Variants in SPTBN4 observed in about 807,000 individuals in gnomAD.
The protein encoded by SPTBN4 is spectrin beta, non-erythrocytic 4.
SPTBN4 carries 96 observed loss-of-function variants against 277.8 expected under a neutral mutation model. That is an observed-to-expected ratio of 0.35 (90% CI 0.29 to 0.41). The LOEUF (loss-of-function observed/expected upper bound fraction) is 0.41. Ranked by LOEUF, SPTBN4 falls within the 10% of genes least tolerant of loss-of-function variation. The probability of loss-of-function intolerance (pLI) is 1.00; values close to 1 mark genes in which losing one functional copy is unlikely to be tolerated. For synonymous variants in SPTBN4, 1,481 were observed against 1,580.3 expected (o/e 0.94, Z 1.49); for missense variants, 3,006 against 3,595.7 (o/e 0.84, Z 4.19).
intron 1 of SPTBN4, among the ~76,000 whole-genome samples, 152 bp downstream of exon 1, chr19:40,467,457 C>A (rs1487612069): frequency 6.6e-6 from 1 of 152,182 alleles, no homozygotes. Flanking sequence ...CCCACAACCC[C>A]CCCACCCGGT....
At position 40,544,009 on chromosome 19, in the gene SPTBN4, C is replaced by T. The variant is rs150586498; in HGVS notation, c.4360-5180C>T. Among the ~76,000 whole-genome samples, 692 of 152,250 alleles carry T rather than the reference C, an allele frequency of 4.5e-3. 3 individuals are homozygous for T. Among genetic ancestry groups the T allele is most frequent in the Middle Eastern group, 6.8e-3 (2 of 294 alleles). ...CCATTCATTAAGTTCTCATCCCCTC[C>T]CCCAGTAAGTACCATCTGTTATGAA... On this transcript the variant is annotated intron_variant, in intron 20 of 35. Coordinates refer to ENST00000598249, the MANE Select transcript of SPTBN4 (RefSeq NM_020971.3).
At position 40,519,973 on chromosome 19, in the gene SPTBN4, C is replaced by A. The variant is rs747455892; in HGVS notation, c.3476C>A (p.Ala1159Asp). The A allele has an allele frequency of 2.6e-6, 4 of 1,542,228 alleles. No individual in the cohort carries two copies. Among genetic ancestry groups the A allele is most frequent in the Non-Finnish European group, 3.5e-6 (4 of 1,151,324 alleles). ...GCGGCCAGCGAGGCGCTGCTGGCCGCCGACGGCGCAGAGCTGGGCCCGGGC... is the reference window on the plus strand; with the variant it reads ...GCGGCCAGCGAGGCGCTGCTGGCCGACGACGGCGCAGAGCTGGGCCCGGGC... ...IVAASEALLA[A>D]DGAELGPGLA... Residue 1159 changes from alanine to aspartate, a missense_variant, in exon 16 of 36, where the codon GCC becomes GAC. By Grantham distance (126) the Ala-to-Asp change is moderately radical (BLOSUM62 -2). Around this residue, in one of 5 missense-constraint regions of SPTBN4, gnomAD observed 1,759 missense variants for 2,061.5 expected, o/e 0.85. Coordinates refer to ENST00000598249, the MANE Select transcript of SPTBN4 (RefSeq NM_020971.3). The surrounding 1 kb of genome is among the most constrained non-coding windows in gnomAD (Gnocchi z 5.7).
At position 40,570,643 on chromosome 19, in the gene SPTBN4, C is replaced by T. The variant is rs1357343358; in HGVS notation, c.7234C>T (p.Pro2412Ser). ...PAQGGSAPAP[P>S]PPPTHTVQHE... ...CCAGGGCGGCTCCGCCCCCGCGCCT[C>T]CGCCACCGCCCACTCACACAGTGCA... Residue 2412 changes from proline to serine, a missense_variant, in exon 33 of 36, where the codon CCG becomes TCG. Transcript: ENST00000598249. The T allele has an allele frequency of 4.0e-6, 6 of 1,510,996 alleles. No individual in the cohort carries two copies. The South Asian group carries it at 7.4e-5, about 19-fold the overall frequency. 93.6% of individuals were successfully genotyped at this position (1,510,996 alleles called of 1,614,324 possible). A position where few individuals can be genotyped will look rare whatever the true frequency, so the allele number is the denominator to read the frequency against.
At chr19:40,559,168 G>A (rs2081016952) in intron 26 of SPTBN4, among the ~76,000 whole-genome samples, 1 of 152,008 alleles carries the variant, frequency 6.6e-6, no homozygotes, top group African/African-American at 2.4e-5. Context: ...GACCTCAAGT[G>A]ATCTGCCCGC....
chr19:40,541,428 C>T (rs1393620678), intron 20 of SPTBN4, among the ~76,000 whole-genome samples: 4 of 152,174 alleles, frequency 2.6e-5, no homozygotes, highest in Non-Finnish European at 4.4e-5. Context: ...GGCACCCAGA[C>T]GGAGCCCAGC....
At chr19:40,472,170 A>G (rs1422162652) in intron 1 of SPTBN4, among the ~76,000 whole-genome samples, 2 of 151,862 alleles carry the variant, frequency 1.3e-5, no homozygotes, top group Middle Eastern at 3.4e-3. Context: ...CTGCCTCCCA[A>G]AGTGCTGGGA....
rs1419961649 is a variant in SPTBN4 at position 40,576,360 on chromosome 19, A to G, written c.*791A>G. 2 of 153,238 alleles carry G rather than the reference A, an allele frequency of 1.3e-5. No homozygotes were observed. The highest frequency in any genetic ancestry group is 4.8e-5 in the African/African-American group (2 of 41,438). 9.5% of individuals were successfully genotyped at this position (153,238 alleles called of 1,614,324 possible). ...GGAGTCGGGGGATTGGGTTGTGGGC[A>G]GTCCCCATGGCCGCCTGGAGAAGCC... On this transcript the variant is annotated 3_prime_UTR_variant, in exon 36 of 36. Transcript: ENST00000598249.
chr19:40,549,123 A>G (rs2080888210), intron 20 of SPTBN4, 66 bp from the exon 21 acceptor site: 1 of 1,320,108 alleles, frequency 7.6e-7, no homozygotes, highest in Non-Finnish European at 1.0e-6. Context: ...CCATAAGGGT[A>G]CTGGAGAGCC....
chr19:40,475,922 T>C (rs2079942261), intron 2 of SPTBN4, among the ~76,000 whole-genome samples: 1 of 151,870 alleles, frequency 6.6e-6, no homozygotes, highest in Admixed American at 6.6e-5. Flanking sequence ...GGCGCATGCC[T>C]GTAGTTCCAG....
chr19:40,478,138 C>G (rs909805179), intron 2 of SPTBN4, among the ~76,000 whole-genome samples: 22 of 152,104 alleles, frequency 1.4e-4, no homozygotes, highest in African/African-American at 5.3e-4. Flanking sequence ...CTGAGCCTGG[C>G]AGAAGCCAGC....
At chr19:40,534,607 A>G (rs567511229) in intron 20 of SPTBN4, 1 of 469,054 alleles carries the variant, frequency 2.1e-6, no homozygotes, top group South Asian at 2.6e-5. Flanking sequence ...AGCATGCTAA[A>G]GGTTTCACAG....
chr19:40,572,322 G>GT lies in SPTBN4; in HGVS notation c.7494-15dup. 6.2e-7 allele frequency: 1 copy of GT among 1,614,128 alleles called. No individual in the cohort carries two copies. The highest frequency in any genetic ancestry group is 1.1e-5 in the South Asian group (1 of 91,070). On this transcript the variant is annotated splice_polypyrimidine_tract_variant and intron_variant, in intron 34 of 35. Transcript: ENST00000598249. ...CCCTTCCCCAGATCTCTGAAGTCCT[G>GT]TGTCCCTTCCTGCAGGACCCAGGAT...
chr19:40,525,632 C>T (rs376589475), intron 17 of SPTBN4, among the ~76,000 whole-genome samples: 21 of 152,340 alleles, frequency 1.4e-4, no homozygotes, highest in African/African-American at 5.1e-4. Context: ...TGTTTATTCA[C>T]TCATCCTCCA....
At chr19:40,570,799 C>G in intron 33 of SPTBN4, 71 bp downstream of exon 33, 1 of 1,533,622 alleles carries the variant, frequency 6.5e-7, no homozygotes, top group Non-Finnish European at 8.8e-7. Context: ...AGCGGTGGGA[C>G]TGAGGAGGGG....
rs774301579 is a variant in SPTBN4 at position 40,520,034 on chromosome 19, T to G, written c.3537T>G (p.Leu1179=). ...ALDEWLPHLE[L]GWHKLLGLWE... ...ACGAGTGGCTGCCACACCTCGAACT[T>G]GGCTGGCATAAACTGCTCGGCTTGT... The change falls in exon 16 of 36, where the codon CTT becomes CTG. Residue 1179 remains leucine (L), a synonymous_variant. Coordinates refer to ENST00000598249, the MANE Select transcript of SPTBN4 (RefSeq NM_020971.3). The G allele has an allele frequency of 2.0e-5, 31 of 1,564,514 alleles. No individual in the cohort carries two copies. Among genetic ancestry groups the G allele is most frequent in the Non-Finnish European group, 2.5e-5 (29 of 1,158,406 alleles).
chr19:40,523,137 C>T (rs1370566248), intron 16 of SPTBN4, among the ~76,000 whole-genome samples: 1 of 152,036 alleles, frequency 6.6e-6, no homozygotes, highest in Non-Finnish European at 1.5e-5. Context: ...CATCTGCTCC[C>T]TCCCTGCCAA....
rs747435937 is a variant in SPTBN4 at position 40,557,326 on chromosome 19, G to A, written c.5593G>A (p.Glu1865Lys). Residue 1865 changes from glutamate (E) to lysine (K), a missense_variant, in exon 26 of 36, where the codon GAG (glutamate) becomes AAG (lysine). Glu to Lys is a moderately conservative substitution (Grantham distance 56). Transcript: ENST00000598249. ...GCTGCCCCGCCTGACCACCCCGCCT[G>A]AGCCGAGACCCAGTGCCAGTTCCAT... is the stretch of plus-strand genomic sequence containing the variant. The part of the protein sequence containing the change: ...RRLPRLTTPP[E>K]PRPSASSMQR... 8 of 1,613,152 alleles carry A rather than the reference G, an allele frequency of 5.0e-6. No individual in the cohort carries two copies. In the South Asian group the frequency reaches 8.8e-5, roughly 18 times the overall value.
In SPTBN4 at chr19:40,538,230, A is replaced by C. The variant is rs569152304; in HGVS notation, c.4359+3887A>C. ...ATGGCAAAACCCCGTCTCTACTAAA[A>C]ATACAAAAATTAGCCGAACGTGGTG... On this transcript the variant is annotated intron_variant, in intron 20 of 35. Transcript: ENST00000598249. Among the ~76,000 whole-genome samples the C allele has an allele frequency of 2.0e-5, 3 of 152,280 alleles. No homozygotes were observed. The East Asian group carries it at 5.8e-4, about 30-fold the overall frequency.
chr19:40,497,668 C>A, intron 7 of SPTBN4, 64 bp downstream of exon 7: 1 of 1,317,858 alleles, frequency 7.6e-7, no homozygotes, highest in South Asian at 1.2e-5. Flanking sequence ...AATGCCATGT[C>A]ACACTCAACT....
Sources: gnomAD v4.1 joint callset for allele counts (sites outside exome capture counted in the v4.1 genomes callset) on GRCh38, gnomAD v4.1.1 for gene constraint, gnomAD v4.1.1 regional missense constraint, Gnocchi (gnomAD v3.1) non-coding constraint, MANE v1.5 for transcripts, NCBI Gene and HGNC (gene_info 2026-07-23, HGNC 2026-07-21) for gene names.